The following DPP10 variants were observed in gnomAD, a reference collection of about 807,000 sequenced individuals.
DPP10 encodes the protein inactive dipeptidyl peptidase 10.
Under a neutral mutation model 120.9 loss-of-function variants are expected in DPP10, and 33 were observed. The ratio of observed to expected loss-of-function variants is 0.27; its 90% confidence interval spans 0.21 to 0.37. The LOEUF is 0.37. Ranked by LOEUF, DPP10 falls within the 10% of genes least tolerant of loss-of-function variation. DPP10 has a pLI of 1.00. For synonymous variants in DPP10, 337 were observed against 326.1 expected (o/e 1.03, Z -0.36); for missense variants, 816 against 942.8 (o/e 0.87, Z 1.76).
At chr2:114,525,621 T>C (rs1279973026) in intron 1 of DPP10, among the ~76,000 whole-genome samples, 1 of 152,204 alleles carries the variant, frequency 6.6e-6, no homozygotes, top group Non-Finnish European at 1.5e-5. Context: ...AGTTTTCAGA[T>C]CAAGAAATTT....
At chr2:114,442,874 T>C (rs1489590937) in intron 1 of DPP10, 36 bp downstream of exon 1, 3 of 1,611,616 alleles carry the variant, frequency 1.9e-6, no homozygotes, top group Non-Finnish European at 2.5e-6. Context: ...TCTGCACATG[T>C]GTCTTCATTC....
At chr2:115,382,762 A>G (rs2066506204) in intron 3 of DPP10, among the ~76,000 whole-genome samples, 1 of 152,224 alleles carries the variant, frequency 6.6e-6, no homozygotes, top group Non-Finnish European at 1.5e-5. Context: ...TTCCATTTAC[A>G]TTTGTTCCCA....
chr2:115,700,102 A>G (rs2091819758), intron 7 of DPP10, among the ~76,000 whole-genome samples: 1 of 152,170 alleles, frequency 6.6e-6, no homozygotes, highest in Non-Finnish European at 1.5e-5. Flanking sequence ...GAGAGTTACC[A>G]CACACTTTTA....
intron 9 of DPP10, 53 bp from the exon 10 acceptor site, chr2:115,746,033 C>A: frequency 7.8e-7 from 1 of 1,276,002 alleles, no homozygotes; most frequent in Non-Finnish European, 1.1e-6. Context: ...CTTTTTTACC[C>A]AATATATTCT....
In DPP10 at chr2:114,604,491, C is replaced by G. The variant is rs564589602; in HGVS notation, c.60+161653C>G. Among the ~76,000 whole-genome samples, 4 of 152,140 alleles carry G rather than the reference C, an allele frequency of 2.6e-5. No homozygotes were observed. In the South Asian group the frequency reaches 8.3e-4, roughly 32 times the overall value. On this transcript the variant is annotated intron_variant, in intron 1 of 25. Coordinates refer to ENST00000410059, the MANE Select transcript of DPP10 (RefSeq NM_020868.6). ...CCTGACCCATCTGCGTGTACAGATACCTTTAGGCAATGAACAATCTACCAA... is the reference window on the plus strand; with the variant it reads ...CCTGACCCATCTGCGTGTACAGATAGCTTTAGGCAATGAACAATCTACCAA...
chr2:115,029,905 G>T (rs1300804270), intron 1 of DPP10, among the ~76,000 whole-genome samples: 3 of 152,128 alleles, frequency 2.0e-5, no homozygotes. Flanking sequence ...GAATTATGAG[G>T]CATGGTTCTT....
chr2:115,105,000 C>T lies in DPP10; in HGVS notation c.61-204239C>T, dbSNP rs144478159. Among the ~76,000 whole-genome samples the T allele has an allele frequency of 6.2e-3, 885 of 142,672 alleles. 12 individuals are homozygous for T. The highest frequency in any genetic ancestry group is 0.021 in the African/African-American group (840 of 40,276). The allele number at this position is 142,672 out of a possible 152,430, so 93.6% of individuals were successfully genotyped here. A position where few individuals can be genotyped will look rare whatever the true frequency, so the allele number is the denominator to read the frequency against. ...CAGCCTGGGCGACAGAACAAGACTC[C>T]GTCTCAAAAAAAAAAAAAATCTGTT... is the stretch of plus-strand genomic sequence containing the variant. On this transcript the variant is annotated intron_variant, in intron 1 of 25. Transcript: ENST00000410059.
At chr2:114,495,219 C>T (rs1682409472) in intron 1 of DPP10, among the ~76,000 whole-genome samples, 1 of 152,130 alleles carries the variant, frequency 6.6e-6, no homozygotes, top group East Asian at 1.9e-4. Context: ...AGCCATGTCA[C>T]CTGAGCCTGT....
At chr2:115,232,979 G>A (rs2057811851) in intron 1 of DPP10, among the ~76,000 whole-genome samples, 3 of 151,970 alleles carry the variant, frequency 2.0e-5, no homozygotes, top group South Asian at 2.1e-4. Context: ...TAGCTAATAA[G>A]GACTAGAGTT....
chr2:114,608,535 A>G (rs1693016254), intron 1 of DPP10, among the ~76,000 whole-genome samples: 1 of 152,144 alleles, frequency 6.6e-6, no homozygotes, highest in Non-Finnish European at 1.5e-5. Context: ...ACCCTAAGAT[A>G]TAAATAATTA....
At chr2:114,557,283 C>A (rs1573646475) in intron 1 of DPP10, among the ~76,000 whole-genome samples, 1 of 152,084 alleles carries the variant, frequency 6.6e-6, no homozygotes, top group Non-Finnish European at 1.5e-5. Context: ...AGGTAGTGAG[C>A]AAGCCATTTG....
intron 1 of DPP10, among the ~76,000 whole-genome samples, chr2:115,298,430 A>AT (rs1559384058): frequency 1.3e-5 from 2 of 152,018 alleles, no homozygotes; most frequent in East Asian, 3.9e-4. Context: ...AAGATTGTTC[A>AT]TTTTAGCAGT....
chr2:114,801,958 G>A (rs959669447), intron 1 of DPP10, among the ~76,000 whole-genome samples: 11 of 152,156 alleles, frequency 7.2e-5, no homozygotes, highest in South Asian at 4.2e-4. Flanking sequence ...CTTGCTGTGC[G>A]AACAGAGAAC....
intron 1 of DPP10, among the ~76,000 whole-genome samples, chr2:115,152,654 T>C (rs968115286): frequency 3.9e-5 from 6 of 152,224 alleles, no homozygotes; most frequent in African/African-American, 7.2e-5. Flanking sequence ...ATTTTTATTA[T>C]GTCTATTCAG....
At chr2:115,165,390 A>G (rs1024867321) in intron 1 of DPP10, among the ~76,000 whole-genome samples, 2 of 152,202 alleles carry the variant, frequency 1.3e-5, no homozygotes, top group Non-Finnish European at 2.9e-5. Context: ...ACATATTTCT[A>G]TTGTAAGAAT....
At chr2:114,708,880 T>G (rs1309347847) in intron 1 of DPP10, among the ~76,000 whole-genome samples, 8 of 152,224 alleles carry the variant, frequency 5.3e-5, no homozygotes, top group African/African-American at 1.9e-4. Context: ...CTCAGCCTTC[T>G]GAACAGCTGG....
intron 5 of DPP10, among the ~76,000 whole-genome samples, chr2:115,652,230 T>C (rs1205508086): frequency 6.6e-6 from 1 of 151,952 alleles, no homozygotes; most frequent in African/African-American, 2.4e-5. Context: ...AGTACAATGA[T>C]TGCACCCATT....
chr2:115,695,456 G>C (rs62155265), intron 7 of DPP10, among the ~76,000 whole-genome samples: 51,395 of 152,008 alleles, frequency 0.34, 10,492 homozygotes, highest in East Asian at 0.63. Flanking sequence ...AATCATGGTG[G>C]GAGGCAAAGG....
chr2:114,996,445 T>C (rs1018894258), intron 1 of DPP10, among the ~76,000 whole-genome samples: 1 of 152,210 alleles, frequency 6.6e-6, no homozygotes, highest in Non-Finnish European at 1.5e-5. Flanking sequence ...TTTTAATGTT[T>C]TTCTTCTTTT....
Sources: allele counts gnomAD v4.1 joint callset (sites outside exome capture counted in the v4.1 genomes callset), GRCh38; gene constraint gnomAD v4.1.1; transcripts MANE v1.5; gene names NCBI Gene and HGNC (gene_info 2026-07-23, HGNC 2026-07-21).